The following FGF7 variants were observed in gnomAD, a reference collection of about 807,000 sequenced individuals.
FGF7 encodes fibroblast growth factor 7, also known as FGF-7.
In FGF7, 6 loss-of-function variants were observed where a neutral mutation model predicts 20.5. That is an observed-to-expected ratio of 0.29 (90% confidence interval 0.16 to 0.58). The LOEUF (loss-of-function observed/expected upper bound fraction) is 0.58, where lower values mean the gene tolerates loss of function less well. FGF7 is among the 20% of genes least tolerant of loss of function. The probability of loss-of-function intolerance (pLI) is 0.90; values close to 1 mark genes in which losing one functional copy is unlikely to be tolerated. For missense variants in FGF7, 144 were observed against 228.8 expected, an observed-to-expected ratio of 0.63 and a Z score of 2.39; for synonymous variants, 64 against 74.7, an observed-to-expected ratio of 0.86 and a Z score of 0.74.
At chr15:49,454,671 G>A (rs2053103389) in intron 2 of FGF7, among the ~76,000 whole-genome samples, 1 of 152,132 alleles carries the variant, frequency 6.6e-6, no homozygotes, top group East Asian at 1.9e-4. Context: ...GTGCAGTGGA[G>A]CGATCTCAGC....
At chr15:49,465,973 T>C (rs574962654) in intron 2 of FGF7, among the ~76,000 whole-genome samples, 72 of 152,270 alleles carry the variant, frequency 4.7e-4, no homozygotes, top group Middle Eastern at 3.4e-3. Flanking sequence ...AAGCATAAGA[T>C]AGTCTCTTCA....
intron 2 of FGF7, among the ~76,000 whole-genome samples, chr15:49,461,063 T>G (rs1567320847): frequency 1.3e-5 from 2 of 152,104 alleles, no homozygotes; most frequent in Non-Finnish European, 2.9e-5. Flanking sequence ...CCTCTGCCAT[T>G]TTTCTTAGTC....
At chr15:49,450,447 G>T (rs2052620855) in intron 2 of FGF7, among the ~76,000 whole-genome samples, 1 of 151,774 alleles carries the variant, frequency 6.6e-6, no homozygotes, top group African/African-American at 2.4e-5. Flanking sequence ...CATTTTTTAA[G>T]CCCCTCCTCT....
At chr15:49,427,537 T>C (rs990614842) in intron 2 of FGF7, among the ~76,000 whole-genome samples, 2 of 152,014 alleles carry the variant, frequency 1.3e-5, no homozygotes, top group Non-Finnish European at 2.9e-5. Context: ...GATTTTAGTG[T>C]CTTGGAAGAT....
At chr15:49,443,155 C>T (rs1043245669) in intron 2 of FGF7, among the ~76,000 whole-genome samples, 3 of 151,438 alleles carry the variant, frequency 2.0e-5, no homozygotes, top group Non-Finnish European at 4.4e-5. Context: ...GTTAAATTTT[C>T]AAAAATTTTG....
chr15:49,446,680 T>C (rs925705664), intron 2 of FGF7, among the ~76,000 whole-genome samples: 38 of 151,662 alleles, frequency 2.5e-4, no homozygotes, highest in South Asian at 4.2e-4. Context: ...CTGTCCTGTC[T>C]AGCTGGAGAA....
intron 2 of FGF7, among the ~76,000 whole-genome samples, chr15:49,447,978 A>C (rs1333903009): frequency 6.6e-6 from 1 of 151,750 alleles, no homozygotes; most frequent in Non-Finnish European, 1.5e-5. Flanking sequence ...GAACTTCATC[A>C]TTCAAAAGCT....
chr15:49,459,515 T>C (rs2053605310), intron 2 of FGF7, among the ~76,000 whole-genome samples: 2 of 152,132 alleles, frequency 1.3e-5, no homozygotes, highest in Admixed American at 6.6e-5. Context: ...TTCAGCATTG[T>C]GTTAAGTGCT....
chr15:49,486,190 C>T lies in FGF7; in HGVS notation c.*1686C>T, dbSNP rs1816333227. 2.0e-5 allele frequency: 3 copies of T among 151,920 alleles called. No individual in the cohort carries two copies. The highest frequency in any genetic ancestry group is 7.2e-5 in the African/African-American group (3 of 41,390). The allele number at this position is 151,920 out of a possible 1,614,324, so 9.4% of individuals were successfully genotyped here. On this transcript the variant is annotated 3_prime_UTR_variant, in exon 4 of 4. Transcript: ENST00000267843. Reference sequence around the variant, plus strand: ...TTTACATAAATAGTATTTGGTAATACATTTATAGATGAGAGTTATATGAAA... The same window carrying T: ...TTTACATAAATAGTATTTGGTAATATATTTATAGATGAGAGTTATATGAAA...
intron 2 of FGF7, among the ~76,000 whole-genome samples, chr15:49,460,253 G>A (rs888602262): frequency 4.6e-5 from 7 of 152,054 alleles, no homozygotes; most frequent in Non-Finnish European, 7.4e-5. Flanking sequence ...CCTAGAAGTA[G>A]GTAAGCTGCA....
At chr15:49,484,017 G>A (rs2056183270) in intron 3 of FGF7, among the ~76,000 whole-genome samples, 1 of 151,952 alleles carries the variant, frequency 6.6e-6, no homozygotes, top group Admixed American at 6.6e-5. Context: ...TGTTACTTAG[G>A]GGGAAATAGG....
intron 2 of FGF7, among the ~76,000 whole-genome samples, chr15:49,460,560 TACCA>T (rs1458655236): frequency 6.6e-6 from 1 of 152,158 alleles, no homozygotes; most frequent in Non-Finnish European, 1.5e-5. Context: ...AGGCGATCAT[TACCA>T]AATATTCGAG....
intron 2 of FGF7, among the ~76,000 whole-genome samples, chr15:49,428,523 C>G (rs1307211833): frequency 6.6e-6 from 1 of 151,954 alleles, no homozygotes; most frequent in Non-Finnish European, 1.5e-5. Context: ...GGCAGTCCAA[C>G]AGCAGACAGA....
chr15:49,453,509 T>A (rs918172743), intron 2 of FGF7, among the ~76,000 whole-genome samples: 9 of 152,156 alleles, frequency 5.9e-5, no homozygotes, highest in Non-Finnish European at 2.9e-5. Context: ...TTCCAACTAT[T>A]CACATTGCAA....
intron 2 of FGF7, among the ~76,000 whole-genome samples, chr15:49,465,470 T>C (rs1340797725): frequency 2.6e-5 from 4 of 152,018 alleles, no homozygotes; most frequent in Non-Finnish European, 5.9e-5. Flanking sequence ...AGGAGCAAGA[T>C]AGATAAATAG....
chr15:49,474,778 C>T (rs2055093928), intron 2 of FGF7, among the ~76,000 whole-genome samples: 1 of 151,942 alleles, frequency 6.6e-6, no homozygotes, highest in Admixed American at 6.6e-5. Context: ...GGAGCGTGAA[C>T]CCTATTGTGA....
At chr15:49,451,989 TATG>T (rs1280121186) in intron 2 of FGF7, among the ~76,000 whole-genome samples, 1 of 152,160 alleles carries the variant, frequency 6.6e-6, no homozygotes, top group Non-Finnish European at 1.5e-5. Context: ...TTTCTCTCAA[TATG>T]ATATCTTATA....
intron 2 of FGF7, among the ~76,000 whole-genome samples, chr15:49,433,283 G>A (rs1670692151): frequency 6.6e-6 from 1 of 151,268 alleles, no homozygotes; most frequent in Admixed American, 6.6e-5. Flanking sequence ...TTTGCATTTG[G>A]CACTGTCACT....
At position 49,446,196 on chromosome 15, in the gene FGF7, T is replaced by C. The variant is rs138905444; in HGVS notation, c.286+21613T>C. 9.4e-3 allele frequency among the ~76,000 whole-genome samples: 1,421 copies of C among 151,696 alleles called. 28 individuals are homozygous for C. Among genetic ancestry groups the C allele is most frequent in the African/African-American group, 0.033 (1,351 of 41,482 alleles). On this transcript the variant is annotated intron_variant, in intron 2 of 3. Coordinates refer to ENST00000267843, the MANE Select transcript of FGF7 (RefSeq NM_002009.4). ...CACTCACTGATAAATATGGGAACAC[T>C]TTTTTCTTTTTAAGTTAAGAGCCAC...
Sources: gnomAD v4.1 joint callset for allele counts (sites outside exome capture counted in the v4.1 genomes callset) on GRCh38, gnomAD v4.1.1 for gene constraint, MANE v1.5 for transcripts, NCBI Gene and HGNC (gene_info 2026-07-23, HGNC 2026-07-21) for gene names.